Variants in CRTAC1 observed in about 807,000 individuals in gnomAD.
CRTAC1 encodes the protein cartilage acidic protein 1.
In CRTAC1, 37 loss-of-function variants were observed where a neutral mutation model predicts 67.8. The observed-to-expected ratio is 0.55, with a 90% CI of 0.42 to 0.72. The LOEUF (loss-of-function observed/expected upper bound fraction) is 0.72. CRTAC1 is among the 30% of genes least tolerant of loss of function. CRTAC1 has a pLI of 0.00. For synonymous variants in CRTAC1, 348 were observed against 371.0 expected, an observed-to-expected ratio of 0.94 and a Z score of 0.71; for missense variants, 780 against 931.6, an observed-to-expected ratio of 0.84 and a Z score of 2.12.
intron 2 of CRTAC1, among the ~76,000 whole-genome samples, chr10:97,978,195 G>T (rs2051837094): frequency 6.6e-6 from 1 of 152,158 alleles, no homozygotes; most frequent in Non-Finnish European, 1.5e-5. Flanking sequence ...CACCTGGGAG[G>T]TTGTCACCAA....
intron 2 of CRTAC1, among the ~76,000 whole-genome samples, chr10:97,955,748 G>A (rs1367555291): frequency 1.3e-5 from 2 of 152,142 alleles, no homozygotes; most frequent in African/African-American, 4.8e-5. Context: ...GTTCTTCTTG[G>A]CTCATATAGG....
chr10:97,891,533 C>T (rs969666454), intron 11 of CRTAC1, among the ~76,000 whole-genome samples: 3 of 152,268 alleles, frequency 2.0e-5, no homozygotes, highest in East Asian at 1.9e-4. Context: ...GCGGTGTGTC[C>T]AGATCTGCCT....
At chr10:97,882,655 A>T in intron 13 of CRTAC1, 131 bp downstream of exon 13, 1 of 912,856 alleles carries the variant, frequency 1.1e-6, no homozygotes, top group Non-Finnish European at 1.7e-6. Context: ...GAGTCCCAGG[A>T]CAAACAACAC....
At chr10:98,018,931 G>A (rs1470376941) in intron 1 of CRTAC1, among the ~76,000 whole-genome samples, 1 of 152,192 alleles carries the variant, frequency 6.6e-6, no homozygotes. Context: ...GTCTTCACCT[G>A]TGACAAGACT....
At chr10:98,007,753 T>C (rs941120076) in intron 2 of CRTAC1, among the ~76,000 whole-genome samples, 1 of 152,206 alleles carries the variant, frequency 6.6e-6, no homozygotes, top group East Asian at 1.9e-4. Context: ...CAAAGTCCTA[T>C]AGGACCCACA....
chr10:97,890,090 TACACACACAC>T (rs56001448), intron 11 of CRTAC1, among the ~76,000 whole-genome samples: 4 of 150,374 alleles, frequency 2.7e-5, no homozygotes, highest in African/African-American at 7.3e-5. Context: ...CCAGGATGTG[TACACACACAC>T]ACACACACAC....
chr10:97,897,042 AC>A, intron 8 of CRTAC1, 51 bp from the exon 9 acceptor site: 1 of 1,360,380 alleles, frequency 7.4e-7, no homozygotes, highest in Non-Finnish European at 1.0e-6. Context: ...AGGCCGCTGG[AC>A]CAGAAGGCCC....
At chr10:97,896,305 A>AG (rs2050458040) in intron 9 of CRTAC1, among the ~76,000 whole-genome samples, 1 of 150,668 alleles carries the variant, frequency 6.6e-6, no homozygotes, top group Non-Finnish European at 1.5e-5. Flanking sequence ...ATATTTGCAC[A>AG]GGTTTTTTTT....
At chr10:97,967,597 A>G (rs549729327) in intron 2 of CRTAC1, among the ~76,000 whole-genome samples, 1 of 152,322 alleles carries the variant, frequency 6.6e-6, no homozygotes, top group East Asian at 1.9e-4. Context: ...ATATTTCTAT[A>G]TGTAACCATC....
chr10:97,991,483 A>G (rs558837812), intron 2 of CRTAC1, among the ~76,000 whole-genome samples: 1 of 152,058 alleles, frequency 6.6e-6, no homozygotes, highest in East Asian at 1.9e-4. Context: ...GTGTCATTTT[A>G]TCCCCCCGAT....
intron 1 of CRTAC1, among the ~76,000 whole-genome samples, chr10:98,019,476 A>C (rs1224887358): frequency 1.3e-5 from 2 of 152,202 alleles, no homozygotes; most frequent in Non-Finnish European, 2.9e-5. Flanking sequence ...GAGGCACAGG[A>C]TGCTGCTGAA....
intron 11 of CRTAC1, among the ~76,000 whole-genome samples, chr10:97,893,688 T>A (rs549532065): frequency 2.6e-5 from 4 of 152,322 alleles, no homozygotes; most frequent in Non-Finnish European, 5.9e-5. Context: ...GGATCTGCCA[T>A]GGCATGAGGC....
intron 2 of CRTAC1, among the ~76,000 whole-genome samples, chr10:97,976,863 T>A (rs2136659102): frequency 6.6e-6 from 1 of 152,328 alleles, no homozygotes; most frequent in Admixed American, 6.5e-5. Context: ...TCTCCTTGAG[T>A]GATTGGCAAA....
intron 2 of CRTAC1, among the ~76,000 whole-genome samples, chr10:97,974,961 T>TG (rs2051774365): frequency 6.6e-6 from 1 of 150,898 alleles, no homozygotes; most frequent in Admixed American, 6.6e-5. Context: ...AGGGAGACGC[T>TG]GGGGAGAAGG....
intron 1 of CRTAC1, among the ~76,000 whole-genome samples, chr10:98,027,447 G>A (rs1843260860): frequency 6.6e-6 from 1 of 152,088 alleles, no homozygotes; most frequent in African/African-American, 2.4e-5. Flanking sequence ...GAATCTGGGA[G>A]GTCTCACCAG....
At chr10:97,929,007 T>C (rs2050962589) in intron 3 of CRTAC1, among the ~76,000 whole-genome samples, 1 of 151,944 alleles carries the variant, frequency 6.6e-6, no homozygotes, top group Admixed American at 6.6e-5. Context: ...GAGTGGCCAC[T>C]ATTTTAGGAG....
At chr10:97,885,769 G>A (rs1225127502) in intron 11 of CRTAC1, among the ~76,000 whole-genome samples, 2 of 152,188 alleles carry the variant, frequency 1.3e-5, no homozygotes, top group Non-Finnish European at 2.9e-5. Flanking sequence ...ACCCATCAGG[G>A]CTGAGCAGAT....
chr10:97,974,783 C>T (rs1046735359), intron 2 of CRTAC1, among the ~76,000 whole-genome samples: 5 of 152,142 alleles, frequency 3.3e-5, no homozygotes, highest in Non-Finnish European at 5.9e-5. Flanking sequence ...ATTTATGCTC[C>T]CTGTTCAGAG....
chr10:97,869,507 G>A (rs1307881289), intron 14 of CRTAC1: 1 of 152,618 alleles, frequency 6.6e-6, no homozygotes, highest in Non-Finnish European at 1.5e-5. Flanking sequence ...GCATGCCTCA[G>A]GAAGCTCCTG....
Sources: allele counts gnomAD v4.1 joint callset (sites outside exome capture counted in the v4.1 genomes callset), GRCh38; gene constraint gnomAD v4.1.1; transcripts MANE v1.5; gene names NCBI Gene and HGNC (gene_info 2026-07-23, HGNC 2026-07-21).